The following NELL2 variants were observed in gnomAD, a reference collection of about 807,000 sequenced individuals.
The protein encoded by NELL2 is neural EGFL like 2.
NELL2 carries 41 observed loss-of-function variants against 109.6 expected under a neutral mutation model. The ratio of observed to expected loss-of-function variants is 0.37; its 90% CI spans 0.29 to 0.49. The LOEUF (loss-of-function observed/expected upper bound fraction) is 0.49, where lower values mean the gene tolerates loss of function less well. Ranked by LOEUF, NELL2 falls within the 20% of genes least tolerant of loss-of-function variation. NELL2 has a pLI of 0.98. For synonymous variants in NELL2, 355 were observed against 344.7 expected (o/e 1.03, Z -0.33); for missense variants, 900 against 1,008.3 (o/e 0.89, Z 1.45).
intron 15 of NELL2, among the ~76,000 whole-genome samples, chr12:44,573,881 G>C (rs1291356988): frequency 6.6e-6 from 1 of 152,130 alleles, no homozygotes; most frequent in Non-Finnish European, 1.5e-5. Flanking sequence ...CCAGTTTCTA[G>C]GAGATTGCTC....
intron 13 of NELL2, among the ~76,000 whole-genome samples, chr12:44,625,310 C>A (rs1231908010): frequency 1.3e-5 from 2 of 151,650 alleles, no homozygotes; most frequent in East Asian, 1.9e-4. Context: ...ATTTTTATAC[C>A]CTTATTAACA....
intron 9 of NELL2, among the ~76,000 whole-genome samples, chr12:44,735,364 T>G (rs1018067123): frequency 2.0e-5 from 3 of 151,926 alleles, no homozygotes; most frequent in Non-Finnish European, 2.9e-5. Context: ...CCAGGAAGAA[T>G]GTTTATTATC....
intron 9 of NELL2, among the ~76,000 whole-genome samples, chr12:44,743,471 T>C (rs2136505340): frequency 6.6e-6 from 1 of 151,498 alleles, no homozygotes; most frequent in East Asian, 2.0e-4. Flanking sequence ...TAAATGTTAA[T>C]GGGCTAAATG....
chr12:44,555,978 A>G (rs1943238142), intron 15 of NELL2, among the ~76,000 whole-genome samples: 1 of 152,216 alleles, frequency 6.6e-6, no homozygotes, highest in East Asian at 1.9e-4. Context: ...TGCTGCCTTC[A>G]GGTCCACTCT....
At chr12:44,878,015 TA>T (rs1945367612), upstream of NELL2, among the ~76,000 whole-genome samples, 1 of 152,218 alleles carries the variant, frequency 6.6e-6, no homozygotes, top group Non-Finnish European at 1.5e-5. Flanking sequence ...AAATAAATTT[TA>T]AATAACGTAG....
chr12:44,780,595 C>T (rs555449036), intron 3 of NELL2, among the ~76,000 whole-genome samples: 4 of 151,982 alleles, frequency 2.6e-5, no homozygotes, highest in Non-Finnish European at 4.4e-5. Flanking sequence ...AGGCCCCCCA[C>T]AGCACTAGTG....
At chr12:44,796,652 A>G (rs1484548809) in intron 3 of NELL2, among the ~76,000 whole-genome samples, 1 of 152,144 alleles carries the variant, frequency 6.6e-6, no homozygotes, top group Non-Finnish European at 1.5e-5. Flanking sequence ...ACTAATAATA[A>G]CACTACTACA....
intron 15 of NELL2, among the ~76,000 whole-genome samples, 186 bp downstream of exon 15, chr12:44,606,983 G>A (rs569773338): frequency 1.1e-4 from 16 of 152,224 alleles, no homozygotes; most frequent in African/African-American, 3.6e-4. Flanking sequence ...TTTTTAGAGT[G>A]ACTTTGGGGA....
chr12:44,884,608 A>C (rs1248146102), intron 1 of NELL2, among the ~76,000 whole-genome samples: 3 of 152,104 alleles, frequency 2.0e-5, no homozygotes, highest in Non-Finnish European at 4.4e-5. Flanking sequence ...TAGAACATAG[A>C]CTCTAAATTT....
At chr12:44,876,967 G>A (rs1945346536), upstream of NELL2, 1 of 1,076,988 alleles carries the variant, frequency 9.3e-7, no homozygotes, top group Non-Finnish European at 1.2e-6. Context: ...CGGGCGCGGA[G>A]AGCGCAGAGA....
Position 44,817,141 on chromosome 12 carries a change from C to T in NELL2, c.185-1005G>A, listed in dbSNP as rs73279103. On this transcript the variant is annotated intron_variant, in intron 2 of 19. Coordinates refer to ENST00000429094, the MANE Select transcript of NELL2 (RefSeq NM_001145108.2). ...CATGCACTGTAAAACATTTAGCACT[C>T]CTGGGTCCCTGGCCAACAAATGTCA... Among the ~76,000 whole-genome samples, 910 of 152,294 alleles carry T rather than the reference C, an allele frequency of 6.0e-3. 6 individuals are homozygous for T. Among genetic ancestry groups the T allele is most frequent in the African/African-American group, 0.021 (869 of 41,568 alleles).
chr12:44,883,662 G>A (rs1945440212), intron 1 of NELL2, among the ~76,000 whole-genome samples: 1 of 151,880 alleles, frequency 6.6e-6, no homozygotes, highest in Admixed American at 6.6e-5. Flanking sequence ...TAATACATAA[G>A]ACAAACACAA....
rs1411088523 is a variant in NELL2 at position 44,644,904 on chromosome 12, A to T, written c.1444+20580T>A. ...GAGGCAGACAGTTAGGAAGAAAAAA[A>T]AGTTTGTGACTGTTAGCTTCTGAAG... is the stretch of plus-strand genomic sequence containing the variant. On this transcript the variant is annotated intron_variant, in intron 13 of 19. Coordinates refer to ENST00000429094, the MANE Select transcript of NELL2 (RefSeq NM_001145108.2). Among the ~76,000 whole-genome samples the T allele has an allele frequency of 5.3e-5, 8 of 151,888 alleles. No homozygotes were observed. In the East Asian group the frequency reaches 5.9e-4, roughly 11 times the overall value.
chr12:44,888,263 G>A (rs1384228124), intron 1 of NELL2, among the ~76,000 whole-genome samples: 1 of 151,836 alleles, frequency 6.6e-6, no homozygotes, highest in Non-Finnish European at 1.5e-5. Context: ...TTAAAGTCAG[G>A]TATTGTGATG....
intron 9 of NELL2, among the ~76,000 whole-genome samples, chr12:44,744,242 T>C (rs1441763274): frequency 1.3e-5 from 2 of 152,158 alleles, no homozygotes; most frequent in African/African-American, 4.8e-5. Context: ...AAGATGTTCT[T>C]TGAAACCAAC....
intron 1 of NELL2, among the ~76,000 whole-genome samples, chr12:44,904,017 C>T (rs554955512): frequency 6.6e-6 from 1 of 151,544 alleles, no homozygotes; most frequent in African/African-American, 2.4e-5. Context: ...GCACATGTAT[C>T]CCAAACTTAA....
chr12:44,694,817 A>G (rs1036729873), intron 12 of NELL2, among the ~76,000 whole-genome samples: 2 of 151,936 alleles, frequency 1.3e-5, no homozygotes, highest in South Asian at 2.1e-4. Flanking sequence ...AATTGAGTGC[A>G]TTCTGTAGCT....
chr12:44,664,477 C>T (rs930390095), intron 13 of NELL2, among the ~76,000 whole-genome samples: 7 of 152,002 alleles, frequency 4.6e-5, no homozygotes, highest in Non-Finnish European at 8.8e-5. Flanking sequence ...AATTAGCAGA[C>T]AGTATGGACA....
chr12:44,802,049 A>G (rs1212877496), intron 3 of NELL2, among the ~76,000 whole-genome samples: 5 of 152,054 alleles, frequency 3.3e-5, no homozygotes, highest in Non-Finnish European at 7.4e-5. Flanking sequence ...ATTTTACATC[A>G]CAAGGCATGT....
Sources: gnomAD v4.1 joint callset for allele counts (sites outside exome capture counted in the v4.1 genomes callset) on GRCh38, gnomAD v4.1.1 for gene constraint, MANE v1.5 for transcripts, NCBI Gene and HGNC (gene_info 2026-07-23, HGNC 2026-07-21) for gene names.